CPN1: variants seen among roughly 807,000 people sequenced by gnomAD.
CPN1 encodes carboxypeptidase N catalytic chain.
Under a neutral mutation model 46.4 loss-of-function variants are expected in CPN1, and 37 were observed. The ratio of observed to expected loss-of-function variants is 0.80; its 90% CI spans 0.61 to 1.05. The LOEUF (loss-of-function observed/expected upper bound fraction) is 1.05, where lower values mean the gene tolerates loss of function less well. Ranked by LOEUF, CPN1 falls within the 50% of genes least tolerant of loss-of-function variation. CPN1 has a pLI of 0.00. For synonymous variants in CPN1, 224 were observed against 235.4 expected (o/e 0.95, Z 0.44); for missense variants, 563 against 602.6 (o/e 0.93, Z 0.69).
rs141884879 is a variant in CPN1, at chr10:100,073,595, C to T, written c.420+2316G>A. Among the ~76,000 whole-genome samples the T allele has an allele frequency of 6.5e-3, 986 of 151,196 alleles. 14 individuals carry two copies. Among genetic ancestry groups the T allele is most frequent in the African/African-American group, 0.022 (913 of 41,202 alleles). On this transcript the variant is annotated intron_variant, in intron 2 of 8. Transcript: ENST00000370418. ...CCAGTTTCTAGAGATCATTCACATT[C>T]CTTGGCTCTTCCATCTTTTTTTTTT...
chr10:100,046,118 C>T (rs960350136), intron 8 of CPN1, among the ~76,000 whole-genome samples: 2 of 152,088 alleles, frequency 1.3e-5, no homozygotes, highest in African/African-American at 2.4e-5. Flanking sequence ...AAAGAAAGCC[C>T]TGGAGAGTTT....
chr10:100,049,818 T>C (rs771163301), intron 7 of CPN1, among the ~76,000 whole-genome samples: 1 of 152,242 alleles, frequency 6.6e-6, no homozygotes, highest in Admixed American at 6.5e-5. Flanking sequence ...TGCTCTACAC[T>C]GAACATGTTA....
chr10:100,048,788 A>G lies in CPN1; in HGVS notation c.1200T>C (p.Thr400=), dbSNP rs1275852293. ...TAPGYDPETV[T]VTVGPAEPTL... The stretch of plus-strand genomic sequence containing the variant: ...TTGGTTCCGCAGGACCCACGGTCAC[A>G]GTTACTGTCTCTGGGTCATACCCAG... Residue 400 remains threonine, a synonymous_variant, in exon 8 of 9, where the codon ACT becomes ACC. Coordinates refer to ENST00000370418, the MANE Select transcript of CPN1 (RefSeq NM_001308.3). 1.2e-6 allele frequency: 2 copies of G among 1,613,464 alleles called. No homozygotes were observed. Among genetic ancestry groups the G allele is most frequent in the African/African-American group, 2.7e-5 (2 of 74,914 alleles).
intron 1 of CPN1, among the ~76,000 whole-genome samples, chr10:100,080,028 G>A (rs994088293): frequency 6.6e-6 from 1 of 151,828 alleles, no homozygotes; most frequent in African/African-American, 2.4e-5. Context: ...GGAGGTTTCA[G>A]TGAGCTGAGA....
At chr10:100,077,739 A>G (rs954377440) in intron 1 of CPN1, among the ~76,000 whole-genome samples, 3 of 151,980 alleles carry the variant, frequency 2.0e-5, no homozygotes, top group African/African-American at 7.3e-5. Flanking sequence ...ATTTTTTTAA[A>G]TCATAGATTA....
intron 8 of CPN1, among the ~76,000 whole-genome samples, chr10:100,044,057 C>T (rs996343124): frequency 6.6e-6 from 1 of 152,060 alleles, no homozygotes; most frequent in African/African-American, 2.4e-5. Flanking sequence ...AGCTTGAGCC[C>T]CTGAAGCCAG....
intron 2 of CPN1, among the ~76,000 whole-genome samples, chr10:100,073,740 C>T (rs1054327224): frequency 1.3e-5 from 2 of 151,980 alleles, no homozygotes; most frequent in South Asian, 2.1e-4. Context: ...CTCAGCCTCC[C>T]GAGTAGCTGG....
intron 3 of CPN1, among the ~76,000 whole-genome samples, chr10:100,065,956 T>C (rs925788183): frequency 1.3e-5 from 2 of 151,952 alleles, no homozygotes; most frequent in Non-Finnish European, 2.9e-5. Context: ...AGAAGTTTTT[T>C]TTTTTGTTTT....
intron 2 of CPN1, among the ~76,000 whole-genome samples, chr10:100,075,084 G>C (rs563785551): frequency 6.6e-6 from 1 of 152,170 alleles, no homozygotes; most frequent in Non-Finnish European, 1.5e-5. Flanking sequence ...GAGGCCAGGA[G>C]TTCAAGACCA....
At chr10:100,072,324 C>T (rs189951722) in intron 2 of CPN1, among the ~76,000 whole-genome samples, 31 of 152,088 alleles carry the variant, frequency 2.0e-4, no homozygotes, top group African/African-American at 6.0e-4. Context: ...TACAGGCACG[C>T]GCCACAACAC....
chr10:100,048,967 C>G, intron 7 of CPN1, 91 bp from the exon 8 acceptor site: 1 of 1,026,478 alleles, frequency 9.7e-7, no homozygotes, highest in South Asian at 1.3e-5. Flanking sequence ...GTTGGCTTTT[C>G]TTTTTTTTTG....
chr10:100,061,711 GA>G (rs1337965831), intron 5 of CPN1, among the ~76,000 whole-genome samples: 1 of 151,724 alleles, frequency 6.6e-6, no homozygotes, highest in African/African-American at 2.4e-5. Flanking sequence ...AGGAGAGAGA[GA>G]AAAAAAGAAC....
chr10:100,058,455 C>A (rs1392459402), intron 5 of CPN1, among the ~76,000 whole-genome samples: 1 of 152,118 alleles, frequency 6.6e-6, no homozygotes, highest in Non-Finnish European at 1.5e-5. Context: ...ATATTTTCTT[C>A]TTTTTCTATA....
chr10:100,053,627 A>C (rs2041367993), intron 7 of CPN1, among the ~76,000 whole-genome samples: 1 of 152,136 alleles, frequency 6.6e-6, no homozygotes, highest in Non-Finnish European at 1.5e-5. Flanking sequence ...TTCAAAAAAA[A>C]AAAGAAAAAG....
intron 7 of CPN1, among the ~76,000 whole-genome samples, chr10:100,050,959 T>C (rs2041348273): frequency 6.6e-6 from 1 of 152,118 alleles, no homozygotes; most frequent in Non-Finnish European, 1.5e-5. Flanking sequence ...ATTTCTTCTA[T>C]TGGGCTGGTT....
intron 8 of CPN1, among the ~76,000 whole-genome samples, chr10:100,045,528 CT>C (rs1226004073): frequency 1.6e-4 from 24 of 152,312 alleles, no homozygotes; most frequent in African/African-American, 5.8e-4. Flanking sequence ...AAGCATAGTT[CT>C]TTCTCCTGAT....
chr10:100,074,500 C>T (rs919747883), intron 2 of CPN1, among the ~76,000 whole-genome samples: 5 of 152,178 alleles, frequency 3.3e-5, no homozygotes, highest in African/African-American at 4.8e-5. Flanking sequence ...ACCACAGCCT[C>T]CGCCTCCTGG....
chr10:100,065,957 T>G (rs190968397), intron 3 of CPN1, among the ~76,000 whole-genome samples: 139 of 152,024 alleles, frequency 9.1e-4, no homozygotes, highest in African/African-American at 2.8e-3. Context: ...GAAGTTTTTT[T>G]TTTTGTTTTG....
intron 6 of CPN1, 94 bp from the exon 7 acceptor site, chr10:100,054,540 A>G: frequency 2.0e-6 from 2 of 1,015,866 alleles, no homozygotes; most frequent in South Asian, 1.3e-5. Flanking sequence ...ATGTTTTTGT[A>G]TTTTATCTTC....
Sources: allele counts gnomAD v4.1 joint callset (sites outside exome capture counted in the v4.1 genomes callset), GRCh38; gene constraint gnomAD v4.1.1; transcripts MANE v1.5; gene names NCBI Gene and HGNC (gene_info 2026-07-23, HGNC 2026-07-21).